DZANK1: variants seen among roughly 807,000 people sequenced by gnomAD.
The protein encoded by DZANK1 is double zinc ribbon and ankyrin repeat domains 1.
A neutral mutation model predicts 94.5 loss-of-function variants in DZANK1; 91 were observed. The observed-to-expected ratio is 0.96, with a 90% CI of 0.81 to 1.15. The LOEUF is 1.15. Ranked by LOEUF, DZANK1 falls within the 50% of genes most tolerant of loss-of-function variation. The pLI is 0.00. For missense variants in DZANK1, 903 were observed against 916.4 expected, an observed-to-expected ratio of 0.99 and a Z score of 0.19; for synonymous variants, 312 against 325.3, an observed-to-expected ratio of 0.96 and a Z score of 0.44.
intron 2 of DZANK1, among the ~76,000 whole-genome samples, chr20:18,465,009 C>T (rs985848648): frequency 1.3e-5 from 2 of 152,056 alleles, no homozygotes; most frequent in Non-Finnish European, 2.9e-5. Context: ...TAAGGTAAGT[C>T]AAGACATTGC....
chr20:18,448,328 A>G (rs1299299532), intron 7 of DZANK1, among the ~76,000 whole-genome samples: 1 of 152,188 alleles, frequency 6.6e-6, no homozygotes, highest in East Asian at 1.9e-4. Context: ...ATTGAATCAC[A>G]TGCAAGTTAA....
chr20:18,455,199 A>C, intron 4 of DZANK1, 48 bp downstream of exon 4: 1 of 1,454,266 alleles, frequency 6.9e-7, no homozygotes, highest in Non-Finnish European at 9.4e-7. Context: ...AGAAAGAAGG[A>C]ACCAAAATAC....
intron 9 of DZANK1, among the ~76,000 whole-genome samples, chr20:18,431,991 A>G (rs1226955928): frequency 1.3e-5 from 2 of 152,244 alleles, no homozygotes; most frequent in Non-Finnish European, 2.9e-5. Context: ...TGTCTCTTAT[A>G]AAAATTGCCC....
chr20:18,460,183 T>A, exon 3 of DZANK1: 1 of 1,564,248 alleles, frequency 6.4e-7, no homozygotes. Context: ...AACTTGTATT[T>A]TTCCATCAGG....
chr20:18,442,268 G>T (rs1045789988), intron 8 of DZANK1, among the ~76,000 whole-genome samples: 7 of 152,110 alleles, frequency 4.6e-5, no homozygotes, highest in Non-Finnish European at 7.4e-5. Context: ...CAGGCAAGTA[G>T]AAAATAATTT....
chr20:18,385,215 T>C, intron 19 of DZANK1, 125 bp from the exon 20 acceptor site: 1 of 784,784 alleles, frequency 1.3e-6, no homozygotes, highest in East Asian at 2.7e-5. Flanking sequence ...GGGAAACCTC[T>C]TGAGTCTCCT....
chr20:18,386,083 C>T (rs1018555768), intron 19 of DZANK1, among the ~76,000 whole-genome samples: 1 of 152,204 alleles, frequency 6.6e-6, no homozygotes, highest in African/African-American at 2.4e-5. Flanking sequence ...CTGCTCCTTC[C>T]TTTGACGCCA....
intron 10 of DZANK1, among the ~76,000 whole-genome samples, chr20:18,426,578 T>C (rs1381302193): frequency 3.3e-5 from 5 of 152,250 alleles, no homozygotes; most frequent in Admixed American, 1.3e-4. Context: ...AAATAGATCA[T>C]CACCGTATTT....
chr20:18,432,289 A>G (rs2058316464), intron 9 of DZANK1, among the ~76,000 whole-genome samples: 1 of 152,232 alleles, frequency 6.6e-6, no homozygotes, highest in Admixed American at 6.5e-5. Context: ...GAATAAATGT[A>G]TTAATAAGAA....
At chr20:18,433,677 T>C (rs759998698) in exon 9 of DZANK1, 1 of 1,614,038 alleles carries the variant, frequency 6.2e-7, no homozygotes, top group South Asian at 1.1e-5. Context: ...TGCCTGTGGC[T>C]GCAGCTGTAG....
chr20:18,410,032 C>CAAAAAAAA (rs33981503), intron 13 of DZANK1, among the ~76,000 whole-genome samples: 1 of 90,584 alleles, frequency 1.1e-5, no homozygotes, highest in African/African-American at 4.4e-5. Context: ...GACTCCGTCT[C>CAAAAAAAA]AAAAAAAAAA....
At chr20:18,420,474 T>G (rs1237005975) in intron 10 of DZANK1, 1 of 165,234 alleles carries the variant, frequency 6.1e-6, no homozygotes, top group African/African-American at 2.4e-5. Flanking sequence ...ATCCTTCGGA[T>G]GATGGCCTAG....
At chr20:18,403,017 G>A (rs1354796141) in intron 13 of DZANK1, among the ~76,000 whole-genome samples, 2 of 152,190 alleles carry the variant, frequency 1.3e-5, no homozygotes, top group African/African-American at 4.8e-5. Context: ...CTCCATATAG[G>A]TGCAGATGAG....
exon 9 of DZANK1, chr20:18,433,764 A>C: frequency 6.2e-7 from 1 of 1,613,476 alleles, no homozygotes; most frequent in Non-Finnish European, 8.5e-7. Flanking sequence ...ACACAAGCCC[A>C]TCTGCACAAG....
intron 6 of DZANK1, among the ~76,000 whole-genome samples, chr20:18,449,432 A>C (rs1349737994): frequency 6.6e-6 from 1 of 152,128 alleles, no homozygotes; most frequent in Admixed American, 6.5e-5. Flanking sequence ...AACATTTCTA[A>C]ATTATTTAAA....
intron 13 of DZANK1, among the ~76,000 whole-genome samples, chr20:18,405,357 T>TA (rs1454392240): frequency 6.6e-6 from 1 of 151,212 alleles, no homozygotes; most frequent in Non-Finnish European, 1.5e-5. Flanking sequence ...TGAAGTAGGA[T>TA]AAAAAAGAAT....
chr20:18,441,800 G>C lies in DZANK1; in HGVS notation c.747+1547C>G, dbSNP rs1486150383. Reference sequence around the variant, plus strand: ...GAAGTCAGATACAGAGATGTGGCTGGAACTTGCTGGAAAGTTGCTACTGGG... The same window carrying C: ...GAAGTCAGATACAGAGATGTGGCTGCAACTTGCTGGAAAGTTGCTACTGGG... On this transcript the variant is annotated intron_variant, in intron 8 of 20. Transcript: ENST00000262547. This position sits in a 1 kb window ranked among gnomAD's most constrained non-coding sequence, Gnocchi z 4.1. 6.6e-6 allele frequency among the ~76,000 whole-genome samples: 1 copy of C among 152,198 alleles called. No individual in the cohort carries two copies. The highest frequency in any genetic ancestry group is 2.4e-5 in the African/African-American group (1 of 41,444).
At chr20:18,447,881 T>C (rs971482688) in intron 7 of DZANK1, among the ~76,000 whole-genome samples, 20 of 152,158 alleles carry the variant, frequency 1.3e-4, no homozygotes, top group African/African-American at 4.8e-4. Context: ...GGAAAGCAGA[T>C]TGGCAGTTTC....
At chr20:18,411,399 A>G (rs1279109876) in intron 13 of DZANK1, among the ~76,000 whole-genome samples, 1 of 152,196 alleles carries the variant, frequency 6.6e-6, no homozygotes, top group African/African-American at 2.4e-5. Context: ...TGAAATAGAT[A>G]AATATCTGGA....
Sources: gnomAD v4.1 joint callset for allele counts (sites outside exome capture counted in the v4.1 genomes callset) on GRCh38, gnomAD v4.1.1 for gene constraint, Gnocchi (gnomAD v3.1) non-coding constraint, MANE v1.5 for transcripts, NCBI Gene and HGNC (gene_info 2026-07-23, HGNC 2026-07-21) for gene names.